The following VPS50 variants were observed in gnomAD, a reference collection of about 807,000 sequenced individuals.
VPS50 encodes VPS50 subunit of EARP/GARPII complex, also known as syndetin.
In VPS50, 70 loss-of-function variants were observed where a neutral mutation model predicts 139.7. That is an observed-to-expected ratio of 0.50 (90% CI 0.41 to 0.61). The LOEUF (loss-of-function observed/expected upper bound fraction) is 0.61. VPS50 is among the 20% of genes least tolerant of loss of function. The pLI is 0.00. For synonymous variants in VPS50, 365 were observed against 376.7 expected, an observed-to-expected ratio of 0.97 and a Z score of 0.36; for missense variants, 921 against 1,133.7, an observed-to-expected ratio of 0.81 and a Z score of 2.69.
chr7:93,321,944 G>A (rs1797625508), intron 20 of VPS50, among the ~76,000 whole-genome samples: 1 of 152,112 alleles, frequency 6.6e-6, no homozygotes, highest in East Asian at 1.9e-4. Context: ...ATGTTTTGTA[G>A]CTGAGGAAAT....
At chr7:93,290,837 C>G (rs2116935342) in intron 12 of VPS50, among the ~76,000 whole-genome samples, 1 of 152,146 alleles carries the variant, frequency 6.6e-6, no homozygotes. Flanking sequence ...GCAAGGACCA[C>G]TACCAACTGT....
At chr7:93,338,393 G>A (rs1798121764) in intron 22 of VPS50, among the ~76,000 whole-genome samples, 1 of 152,152 alleles carries the variant, frequency 6.6e-6, no homozygotes, top group African/African-American at 2.4e-5. Flanking sequence ...GAGAGAAAGG[G>A]TGTAATTTTA....
chr7:93,259,484 T>C, intron 8 of VPS50, 66 bp from the exon 9 acceptor site: 2 of 816,216 alleles, frequency 2.5e-6, no homozygotes, highest in South Asian at 3.2e-5. Flanking sequence ...ACAGAGATTT[T>C]TTTTTATCAG....
chr7:93,298,625 T>A (rs529333439), intron 16 of VPS50, among the ~76,000 whole-genome samples: 2 of 152,314 alleles, frequency 1.3e-5, no homozygotes, highest in East Asian at 3.9e-4. Flanking sequence ...GCATTCTGTT[T>A]TACTTATTGT....
At chr7:93,308,528 A>C (rs1797179145) in intron 18 of VPS50, among the ~76,000 whole-genome samples, 1 of 151,820 alleles carries the variant, frequency 6.6e-6, no homozygotes, top group African/African-American at 2.4e-5. Context: ...AAAAAATGCG[A>C]ATGTATACTC....
chr7:93,284,758 T>C (rs1208195854), intron 12 of VPS50, among the ~76,000 whole-genome samples: 2 of 152,210 alleles, frequency 1.3e-5, no homozygotes, highest in Non-Finnish European at 1.5e-5. Context: ...GGGGTTTAGA[T>C]ACATGAATTG....
intron 11 of VPS50, chr7:93,273,152 G>A (rs1796059890): frequency 6.6e-6 from 1 of 152,276 alleles, no homozygotes; most frequent in East Asian, 1.9e-4. Context: ...TGTACATTTT[G>A]TACCTTTATC....
chr7:93,264,642 G>C (rs1315442489), intron 9 of VPS50, among the ~76,000 whole-genome samples: 2 of 152,138 alleles, frequency 1.3e-5, no homozygotes, highest in East Asian at 3.9e-4. Flanking sequence ...GATCTTGGTA[G>C]TTTAGTGAAA....
chr7:93,359,546 C>G lies in VPS50; in HGVS notation c.*1110C>G, dbSNP rs1422204914. The G allele has an allele frequency of 6.6e-6, 1 of 152,104 alleles. No homozygotes were observed. Among genetic ancestry groups the G allele is most frequent in the Non-Finnish European group, 1.5e-5 (1 of 68,028 alleles). The allele number at this position is 152,104 out of a possible 1,614,324, so 9.4% of individuals were successfully genotyped here. On this transcript the variant is annotated 3_prime_UTR_variant, in exon 28 of 28. Coordinates refer to ENST00000305866, the MANE Select transcript of VPS50 (RefSeq NM_017667.4). ...TTTTCCATGTACTCTTGCCAACTGT[C>G]TGATAAGGAATTTTGTGTGTGTTCT...
intron 1 of VPS50, among the ~76,000 whole-genome samples, chr7:93,239,219 A>G (rs542555082): frequency 8.5e-5 from 13 of 152,320 alleles, no homozygotes; most frequent in Non-Finnish European, 4.4e-5. Context: ...AGGATTTTAA[A>G]GAAAATGTAA....
At chr7:93,356,932 G>A (rs2117099396) in intron 27 of VPS50, among the ~76,000 whole-genome samples, 1 of 152,194 alleles carries the variant, frequency 6.6e-6, no homozygotes, top group African/African-American at 2.4e-5. Context: ...CATTAGCCTA[G>A]AACATTCACA....
intron 27 of VPS50, among the ~76,000 whole-genome samples, chr7:93,357,138 C>G (rs998482756): frequency 6.6e-6 from 1 of 152,138 alleles, no homozygotes; most frequent in Non-Finnish European, 1.5e-5. Flanking sequence ...CTTAATGTTG[C>G]TAGAATCCAT....
intron 1 of VPS50, among the ~76,000 whole-genome samples, chr7:93,232,816 C>T (rs866746794): frequency 6.6e-6 from 1 of 152,266 alleles, no homozygotes; most frequent in East Asian, 1.9e-4. Flanking sequence ...CAAGGTCTTC[C>T]GCATCCAGGC....
In VPS50 at chr7:93,341,530, A is replaced by T. The variant is rs1584486888; in HGVS notation, c.2162A>T (p.Asp721Val). The T allele has an allele frequency of 6.2e-7, 1 of 1,612,496 alleles. No homozygotes were observed. The highest frequency in any genetic ancestry group is 2.2e-5 in the East Asian group (1 of 44,834). Residue 721 changes from aspartate to valine, a missense_variant, in exon 23 of 28, where the codon GAT becomes GTT. Physicochemically the swap from Asp to Val is radical, Grantham distance 152 (BLOSUM62 -3). Transcript: ENST00000305866. ...LSHLVVLTSGDTLYGLAERVV... is the reference protein window; with the variant it reads ...LSHLVVLTSGVTLYGLAERVV... The stretch of plus-strand genomic sequence containing the variant: ...CACCTAGTGGTTTTGACATCTGGGG[A>T]TACGCTGTATGGGTTGGCAGAAAGA...
chr7:93,291,675 G>T lies in VPS50; in HGVS notation c.943-28G>T, dbSNP rs185527198. The T allele has an allele frequency of 5.6e-4, 751 of 1,332,812 alleles. 6 individuals carry two copies. In the African/African-American group the frequency reaches 0.01, roughly 18 times the overall value. 82.6% of individuals were successfully genotyped at this position (1,332,812 alleles called of 1,614,324 possible). A position where few individuals can be genotyped will look rare whatever the true frequency, so the allele number is the denominator to read the frequency against. On this transcript the variant is annotated intron_variant, in intron 12 of 27. Coordinates refer to ENST00000305866, the MANE Select transcript of VPS50 (RefSeq NM_017667.4). ...ACTGTTAGAGTAAACATAATAATTT[G>T]AAAGTTGTCTCTTATCATTTTCTTT...
intron 21 of VPS50, 119 bp downstream of exon 21, chr7:93,323,851 C>A: frequency 2.3e-6 from 1 of 432,392 alleles, no homozygotes; most frequent in South Asian, 6.4e-5. Flanking sequence ...GATTATGCAT[C>A]AAAAACAAAA....
rs979987064 is a variant in VPS50, at chr7:93,359,105, T to A, written c.*669T>A. On this transcript the variant is annotated 3_prime_UTR_variant, in exon 28 of 28. Coordinates refer to ENST00000305866, the MANE Select transcript of VPS50 (RefSeq NM_017667.4). The stretch of plus-strand genomic sequence containing the variant: ...TGCAGCTTTTAGTGTGTTCTAATTT[T>A]AATTGTTTTATATCCTGAAACCAAT... 3.3e-5 allele frequency: 5 copies of A among 152,168 alleles called. No homozygotes were observed. Among genetic ancestry groups the A allele is most frequent in the Non-Finnish European group, 7.4e-5 (5 of 68,026 alleles). The allele number at this position is 152,168 out of a possible 1,614,324, so 9.4% of individuals were successfully genotyped here.
At chr7:93,254,434 A>AT (rs35581262) in intron 4 of VPS50, among the ~76,000 whole-genome samples, 9 of 151,926 alleles carry the variant, frequency 5.9e-5, no homozygotes, top group Admixed American at 3.9e-4. Flanking sequence ...TAGTCTGGCT[A>AT]TTTTTTTAAC....
intron 17 of VPS50, among the ~76,000 whole-genome samples, 178 bp from the exon 18 acceptor site, chr7:93,305,650 C>T (rs1797093125): frequency 6.6e-6 from 1 of 151,686 alleles, no homozygotes; most frequent in South Asian, 2.1e-4. Context: ...TTAGGAAAAC[C>T]TTTAGATGTG....
Sources: gnomAD v4.1 joint callset for allele counts (sites outside exome capture counted in the v4.1 genomes callset) on GRCh38, gnomAD v4.1.1 for gene constraint, MANE v1.5 for transcripts, NCBI Gene and HGNC (gene_info 2026-07-23, HGNC 2026-07-21) for gene names.